PPFIA1: variants seen among roughly 807,000 people sequenced by gnomAD.
The protein encoded by PPFIA1 is liprin-alpha-1.
Under a neutral mutation model 149.9 loss-of-function variants are expected in PPFIA1, and 25 were observed. The observed-to-expected ratio is 0.17, with a 90% CI of 0.12 to 0.23. The LOEUF is 0.23. PPFIA1 is among the 10% of genes least tolerant of loss of function. The probability of loss-of-function intolerance (pLI) is 1.00; values close to 1 mark genes in which losing one functional copy is unlikely to be tolerated. For missense variants in PPFIA1, 1,362 were observed against 1,506.5 expected (o/e 0.90, Z 1.59); for synonymous variants, 549 against 552.8 (o/e 0.99, Z 0.10).
intron 2 of PPFIA1, among the ~76,000 whole-genome samples, chr11:70,286,517 C>T (rs1400329316): frequency 6.6e-6 from 1 of 152,168 alleles, no homozygotes; most frequent in Non-Finnish European, 1.5e-5. Context: ...TCCCAAAGTG[C>T]TGGGATTACA....
At chr11:70,319,783 T>C (rs1362390446) in intron 2 of PPFIA1, 2 of 152,358 alleles carry the variant, frequency 1.3e-5, no homozygotes, top group African/African-American at 2.4e-5. Context: ...CCATACACGC[T>C]GCCCATGCCC....
intron 2 of PPFIA1, among the ~76,000 whole-genome samples, chr11:70,273,737 T>C (rs2050229981): frequency 6.6e-6 from 1 of 152,228 alleles, no homozygotes; most frequent in African/African-American, 2.4e-5. Flanking sequence ...ATTTTTCTTA[T>C]TTCAATCTTA....
At chr11:70,282,389 C>A (rs1157849247) in intron 2 of PPFIA1, 1 of 152,862 alleles carries the variant, frequency 6.5e-6, no homozygotes, top group Non-Finnish European at 1.5e-5. Context: ...ATCTCCAACT[C>A]CAGGGCTCAA....
At chr11:70,344,577 G>A (rs2055567545) in intron 15 of PPFIA1, among the ~76,000 whole-genome samples, 1 of 152,250 alleles carries the variant, frequency 6.6e-6, no homozygotes, top group Non-Finnish European at 1.5e-5. Flanking sequence ...AGAAGAGGCT[G>A]TGTGTAGTGA....
chr11:70,347,362 T>G (rs193009079), intron 15 of PPFIA1, among the ~76,000 whole-genome samples: 22 of 152,298 alleles, frequency 1.4e-4, no homozygotes, highest in Middle Eastern at 6.8e-3. Context: ...CCAACAAGAC[T>G]CAATGGAAGG....
Position 70,355,622 on chromosome 11 carries a change from GTT to G in PPFIA1, c.2316-14_2316-13del, listed in dbSNP as rs770888661. On this transcript the variant is annotated splice_polypyrimidine_tract_variant and intron_variant, in intron 17 of 27. Coordinates refer to ENST00000253925, the MANE Select transcript of PPFIA1 (RefSeq NM_003626.5). ...CTACAAGGGCACATAGTAAAGATCC[GTT>G]TTCTTTCCTCGAAGCTCCACAGGCT... 8 of 1,585,676 alleles carry G rather than the reference GTT, an allele frequency of 5.0e-6. No homozygotes were observed. The East Asian group carries it at 1.8e-4, about 35-fold the overall frequency.
chr11:70,352,724 G>A (rs1381509827), intron 16 of PPFIA1, among the ~76,000 whole-genome samples: 2 of 147,458 alleles, frequency 1.4e-5, no homozygotes, highest in Non-Finnish European at 3.0e-5. Flanking sequence ...CGTGTGGAGG[G>A]GTGCGGAGGG....
chr11:70,295,248 C>T (rs2051841372), intron 2 of PPFIA1, among the ~76,000 whole-genome samples: 1 of 139,986 alleles, frequency 7.1e-6, no homozygotes, highest in Non-Finnish European at 1.5e-5. Flanking sequence ...CCCCCCACCT[C>T]CCTCCCGGAC....
intron 26 of PPFIA1, chr11:70,381,219 A>G (rs951907159): frequency 2.6e-5 from 4 of 152,302 alleles, no homozygotes; most frequent in African/African-American, 7.2e-5. Flanking sequence ...AACAGTCCCA[A>G]CTGTCTTAAT....
intron 14 of PPFIA1, 111 bp from the exon 15 acceptor site, chr11:70,343,558 T>G: frequency 1.1e-6 from 1 of 947,022 alleles, no homozygotes; most frequent in Non-Finnish European, 1.6e-6. Context: ...GGCCCATCTT[T>G]CTAAAATCTT....
At chr11:70,277,951 G>T (rs1484184116) in intron 2 of PPFIA1, among the ~76,000 whole-genome samples, 1 of 151,770 alleles carries the variant, frequency 6.6e-6, no homozygotes, top group Non-Finnish European at 1.5e-5. Context: ...TCGCTCTGTC[G>T]CCGGTCTGGA....
intron 2 of PPFIA1, among the ~76,000 whole-genome samples, chr11:70,300,615 A>T (rs2052425027): frequency 6.9e-6 from 1 of 145,956 alleles, no homozygotes; most frequent in African/African-American, 2.6e-5. Flanking sequence ...GCCCTCTGCC[A>T]GCTCCCCTCC....
At chr11:70,320,436 CTTTTT>C (rs34619705) in intron 2 of PPFIA1, among the ~76,000 whole-genome samples, 1 of 128,342 alleles carries the variant, frequency 7.8e-6, no homozygotes, top group Non-Finnish European at 1.6e-5. Context: ...GATGTAGCTA[CTTTTT>C]TTTTTTTTTT....
intron 2 of PPFIA1, 29 bp downstream of exon 2, chr11:70,272,465 G>A: frequency 6.4e-7 from 1 of 1,554,298 alleles, no homozygotes; most frequent in Non-Finnish European, 8.7e-7. Context: ...TGAAACTATA[G>A]ATTTTTCTCC....
intron 21 of PPFIA1, chr11:70,365,150 A>G (rs1332316463): frequency 1.4e-5 from 3 of 214,738 alleles, no homozygotes; most frequent in Admixed American, 5.3e-5. Context: ...TAAGCATGGC[A>G]TCTAAAGCTC....
chr11:70,340,964 C>T (rs4623929), intron 14 of PPFIA1: 43,991 of 332,210 alleles, frequency 0.13, 4,638 homozygotes, highest in African/African-American at 0.39. Flanking sequence ...GCAAGCAGCC[C>T]GTACTCTAGG....
chr11:70,317,881 G>A (rs2053726348), intron 2 of PPFIA1, among the ~76,000 whole-genome samples: 1 of 152,144 alleles, frequency 6.6e-6, no homozygotes, highest in African/African-American at 2.4e-5. Flanking sequence ...TCATTTAAAG[G>A]TGACGAAATT....
At chr11:70,370,055 A>G (rs547151742) in intron 21 of PPFIA1, among the ~76,000 whole-genome samples, 1 of 151,056 alleles carries the variant, frequency 6.6e-6, no homozygotes, top group East Asian at 2.0e-4. Flanking sequence ...GGTTCAAGCA[A>G]TTTTCATGCC....
intron 2 of PPFIA1, among the ~76,000 whole-genome samples, chr11:70,277,060 A>ATAATATATATATATATATATTTTTTTT: frequency 1.5e-5 from 1 of 66,326 alleles, no homozygotes; most frequent in African/African-American, 1.2e-4. Context: ...ATATATATAT[A>ATAATATATATATATATATATTTTTTTT]TTTTTTTTTT....
Sources: allele counts gnomAD v4.1 joint callset (sites outside exome capture counted in the v4.1 genomes callset), GRCh38; gene constraint gnomAD v4.1.1; transcripts MANE v1.5; gene names NCBI Gene and HGNC (gene_info 2026-07-23, HGNC 2026-07-21).